Variants in ASIC4 observed in about 807,000 individuals in gnomAD.
The protein encoded by ASIC4 is acid-sensing ion channel 4.
A neutral mutation model predicts 53.4 loss-of-function variants in ASIC4; 28 were observed. The ratio of observed to expected loss-of-function variants is 0.52; its 90% CI spans 0.39 to 0.72. The LOEUF is 0.72. Among genes scored for constraint, ASIC4 ranks in the 30% least tolerant of loss-of-function variants. The pLI, the probability that ASIC4 is intolerant of heterozygous loss-of-function variation, is 0.00. For synonymous variants in ASIC4, 289 were observed against 301.4 expected (o/e 0.96, Z 0.43); for missense variants, 649 against 729.7 (o/e 0.89, Z 1.27).
Position 219,534,967 on chromosome 2 carries a change from A to T in ASIC4, c.1076-204A>T, listed in dbSNP as rs544481241. ...GAGGGTGCTGGGGGGTTCTGCTTAT[A>T]TCTGCTCTCTGGAGCAGTCTGAAGC... On this transcript the variant is annotated intron_variant, in intron 5 of 9. Coordinates refer to ENST00000358078, the MANE Select transcript of ASIC4 (RefSeq NM_018674.6). 8.5e-4 allele frequency among the ~76,000 whole-genome samples: 129 copies of T among 152,214 alleles called. 2 individuals carry two copies. The highest frequency in any genetic ancestry group is 4.4e-5 in the Non-Finnish European group (3 of 67,996).
In ASIC4 at chr2:219,531,481, G is replaced by A. The variant is rs1695040190; in HGVS notation, c.583-277G>A. 2.0e-5 allele frequency among the ~76,000 whole-genome samples: 3 copies of A among 152,238 alleles called. No individual in the cohort carries two copies. In the South Asian group the frequency reaches 6.2e-4, roughly 32 times the overall value. On this transcript the variant is annotated intron_variant, in intron 1 of 9. Coordinates refer to ENST00000358078, the MANE Select transcript of ASIC4 (RefSeq NM_018674.6). ...TGAGAAACTGGGTGGATATAGTGGGGTGGTTTACTAGGGTGGAGGAAAACG... is the reference window on the plus strand; with the variant it reads ...TGAGAAACTGGGTGGATATAGTGGGATGGTTTACTAGGGTGGAGGAAAACG...
At chr2:219,526,268 G>A (rs145177007) in intron 1 of ASIC4, among the ~76,000 whole-genome samples, 1 of 152,228 alleles carries the variant, frequency 6.6e-6, no homozygotes, top group Admixed American at 6.5e-5. Context: ...ACTGTCTCAG[G>A]CAGACCCTGA....
rs971917650 is a variant in ASIC4, at chr2:219,537,538, G to C, written c.1402-94G>C. 1.7e-6 allele frequency: 2 copies of C among 1,187,082 alleles called. No homozygotes were observed. Among genetic ancestry groups the C allele is most frequent in the Non-Finnish European group, 2.4e-6 (2 of 833,474 alleles). 73.5% of individuals were successfully genotyped at this position (1,187,082 alleles called of 1,614,324 possible). On this transcript the variant is annotated intron_variant, in intron 8 of 9. Coordinates refer to ENST00000358078, the MANE Select transcript of ASIC4 (RefSeq NM_018674.6). This position sits in a 1 kb window ranked among gnomAD's most constrained non-coding sequence, Gnocchi z 4.9. ...GTCCTACTGGGAGTTTGCTGTGGCA[G>C]TAAGTCCTGTGGGCAGCTGGGCATG...
At chr2:219,524,621 A>G (rs186040826) in intron 1 of ASIC4, among the ~76,000 whole-genome samples, 1 of 152,358 alleles carries the variant, frequency 6.6e-6, no homozygotes, top group East Asian at 1.9e-4. Flanking sequence ...GCCTGTTGTT[A>G]CTGCCATTTT....
chr2:219,517,685 T>C lies in ASIC4; in HGVS notation c.582+2379T>C, dbSNP rs912440617. 2.0e-5 allele frequency among the ~76,000 whole-genome samples: 3 copies of C among 151,970 alleles called. No homozygotes were observed. The highest frequency in any genetic ancestry group is 4.4e-5 in the Non-Finnish European group (3 of 67,986). ...GAGAATGGGCATGGAGATGAAGATA[T>C]GGGGTCTCCAAAAAGGACGTGAGGT... On this transcript the variant is annotated intron_variant, in intron 1 of 9. Transcript: ENST00000358078. This position sits in a 1 kb window ranked among gnomAD's most constrained non-coding sequence, Gnocchi z 4.2.
chr2:219,526,886 G>A (rs1694969714), intron 1 of ASIC4, among the ~76,000 whole-genome samples: 1 of 152,196 alleles, frequency 6.6e-6, no homozygotes, highest in African/African-American at 2.4e-5. Flanking sequence ...GAGAGAGAGG[G>A]AGGGCCAGAC....
upstream of ASIC4, among the ~76,000 whole-genome samples, chr2:219,509,827 C>A (rs1200005023): frequency 6.6e-6 from 1 of 152,128 alleles, no homozygotes; most frequent in Non-Finnish European, 1.5e-5. This position sits in a 1 kb window ranked among gnomAD's most constrained non-coding sequence, Gnocchi z 5.2. Context: ...CTGATCGCTG[C>A]GGCACCCTTG....
rs781515558 is a variant in ASIC4 at position 219,537,615 on chromosome 2, C to T, written c.1402-17C>T. 21 of 1,603,798 alleles carry T rather than the reference C, an allele frequency of 1.3e-5. No individual in the cohort carries two copies. The highest frequency in any genetic ancestry group is 4.5e-5 in the East Asian group (2 of 44,798). ...AATTTCCTGAGCCCACTGCTGTCCCCGACCCTGAACCCCAAGGTGTCCTGG... is the reference window on the plus strand; with the variant it reads ...AATTTCCTGAGCCCACTGCTGTCCCTGACCCTGAACCCCAAGGTGTCCTGG... On this transcript the variant is annotated splice_polypyrimidine_tract_variant and intron_variant, in intron 8 of 9. Transcript: ENST00000358078. The surrounding 1 kb of genome is among the most constrained non-coding windows in gnomAD (Gnocchi z 4.9).
In ASIC4 at chr2:219,514,619, A is replaced by G; in HGVS notation, c.-106A>G. 6.2e-7 allele frequency: 1 copy of G among 1,608,222 alleles called. No individual in the cohort carries two copies. Among genetic ancestry groups the G allele is most frequent in the Middle Eastern group, 1.7e-4 (1 of 6,048 alleles). Reference sequence around the variant, plus strand: ...TCCTCTTCCCGCTTGCCCTGAGTTTAGAAGAGCAGCCGCTGCCACCACTGC... The same window carrying G: ...TCCTCTTCCCGCTTGCCCTGAGTTTGGAAGAGCAGCCGCTGCCACCACTGC... On this transcript the variant is annotated 5_prime_UTR_variant, in exon 1 of 10. Coordinates refer to ENST00000358078, the MANE Select transcript of ASIC4 (RefSeq NM_018674.6).
At chr2:219,530,679 T>A (rs1270185024) in intron 1 of ASIC4, among the ~76,000 whole-genome samples, 1 of 152,020 alleles carries the variant, frequency 6.6e-6, no homozygotes, top group Admixed American at 6.5e-5. Context: ...CAGCTAGCCA[T>A]ACCATGAGTG....
chr2:219,534,099 A>C (rs1160627953), intron 5 of ASIC4: 1 of 151,388 alleles, frequency 6.6e-6, no homozygotes, highest in East Asian at 1.9e-4. Context: ...GCCTGTGGCA[A>C]GGCAGGAATG....
chr2:219,508,220 C>T, the ASIC4 span, among the ~76,000 whole-genome samples: 4 of 152,154 alleles, frequency 2.6e-5, no homozygotes, highest in Non-Finnish European at 5.9e-5. Flanking sequence ...GGCCATAGGA[C>T]CAGGGGCTAG....
chr2:219,528,647 C>T (rs1196438100), intron 1 of ASIC4, among the ~76,000 whole-genome samples: 1 of 152,132 alleles, frequency 6.6e-6, no homozygotes, highest in African/African-American at 2.4e-5. Context: ...TGAAGCGATT[C>T]TCCTACCTCA....
upstream of ASIC4, among the ~76,000 whole-genome samples, chr2:219,511,297 G>T (rs1419921267): frequency 1.3e-5 from 2 of 152,126 alleles, no homozygotes; most frequent in South Asian, 4.1e-4. This position sits in a 1 kb window ranked among gnomAD's most constrained non-coding sequence, Gnocchi z 5.3. Context: ...TGCCTTTGGG[G>T]CACTTTGCCC....
upstream of ASIC4, among the ~76,000 whole-genome samples, chr2:219,513,778 G>A (rs1352574007): frequency 6.6e-6 from 1 of 152,266 alleles, no homozygotes; most frequent in Admixed American, 6.5e-5. Context: ...TGAGATTGGG[G>A]TTGGGGGCAA....
Position 219,537,787 on chromosome 2 carries a change from C to T in ASIC4, c.1506+51C>T. On this transcript the variant is annotated intron_variant, in intron 9 of 9. Coordinates refer to ENST00000358078, the MANE Select transcript of ASIC4 (RefSeq NM_018674.6). The surrounding 1 kb of genome is among the most constrained non-coding windows in gnomAD (Gnocchi z 4.9). Reference sequence around the variant, plus strand: ...AGCATGCAGCCACACCTCCCCAGGACTGAATACATCCATTGTTTCTGAACC... The same window carrying T: ...AGCATGCAGCCACACCTCCCCAGGATTGAATACATCCATTGTTTCTGAACC... The T allele has an allele frequency of 6.4e-7, 1 of 1,556,862 alleles. No individual in the cohort carries two copies. The highest frequency in any genetic ancestry group is 8.8e-7 in the Non-Finnish European group (1 of 1,141,118).
the ASIC4 span, among the ~76,000 whole-genome samples, chr2:219,507,466 G>A: frequency 8.3e-4 from 126 of 152,324 alleles, no homozygotes; most frequent in African/African-American, 2.6e-3. Context: ...GCCTCTGCCC[G>A]AGGCCTCATG....
At position 219,515,275 on chromosome 2, in the gene ASIC4, G is replaced by C; in HGVS notation, c.551G>C (p.Gly184Ala). 3 of 1,613,114 alleles carry C rather than the reference G, an allele frequency of 1.9e-6. No homozygotes were observed. The highest frequency in any genetic ancestry group is 2.5e-6 in the Non-Finnish European group (3 of 1,179,260). ...ADMLKSCNFS[G>A]HHCSASNFSV... ...ATGCTTAAGAGCTGCAACTTCAGTG[G>C]GCATCACTGCTCCGCCAGCAACTTC... The change falls in exon 1 of 10, where the codon GGG (glycine) becomes GCG (alanine). Residue 184 changes from glycine (G) to alanine (A), a missense_variant. Gly to Ala is a moderately conservative substitution (Grantham distance 60). Coordinates refer to ENST00000358078, the MANE Select transcript of ASIC4 (RefSeq NM_018674.6).
chr2:219,532,560 A>C (rs776863019), intron 4 of ASIC4, 83 bp downstream of exon 4: 13 of 1,520,662 alleles, frequency 8.5e-6, no homozygotes, highest in Non-Finnish European at 1.2e-5. Flanking sequence ...GCTCATGTGC[A>C]CAGGCAGGTG....
Sources: gnomAD v4.1 joint callset for allele counts (sites outside exome capture counted in the v4.1 genomes callset) on GRCh38, gnomAD v4.1.1 for gene constraint, Gnocchi (gnomAD v3.1) non-coding constraint, MANE v1.5 for transcripts, NCBI Gene and HGNC (gene_info 2026-07-23, HGNC 2026-07-21) for gene names.